PEX5L: variants seen among roughly 807,000 people sequenced by gnomAD.
PEX5L encodes peroxisomal biogenesis factor 5 like.
PEX5L carries 30 observed loss-of-function variants against 84.0 expected under a neutral mutation model. The ratio of observed to expected loss-of-function variants is 0.36; its 90% CI spans 0.27 to 0.48. The LOEUF is 0.48. Ranked by LOEUF, PEX5L falls within the 20% of genes least tolerant of loss-of-function variation. The probability of loss-of-function intolerance (pLI) is 0.99; values close to 1 mark genes in which losing one functional copy is unlikely to be tolerated. For missense variants in PEX5L, 533 were observed against 754.6 expected (o/e 0.71, Z 3.44); for synonymous variants, 270 against 283.1 (o/e 0.95, Z 0.46).
At chr3:179,891,914 A>C (rs1253775770) in intron 3 of PEX5L, among the ~76,000 whole-genome samples, 5 of 152,172 alleles carry the variant, frequency 3.3e-5, no homozygotes, top group African/African-American at 1.2e-4. Context: ...CTTTAAGCTT[A>C]ATTTCCAAAT....
At chr3:180,006,983 A>G (rs1005393165) in intron 1 of PEX5L, among the ~76,000 whole-genome samples, 2 of 152,140 alleles carry the variant, frequency 1.3e-5, no homozygotes, top group Non-Finnish European at 2.9e-5. Context: ...ATCAGATCAA[A>G]TCAATCATGC....
chr3:180,036,155 CAG>C lies in PEX5L; in HGVS notation c.21+422_21+423del, dbSNP rs377632736. The stretch of plus-strand genomic sequence containing the variant: ...ACTTTAAAAAATGAAACGAAAGTGA[CAG>C]AGTGTTCTAAGTCAAGCAACCTTTT... On this transcript the variant is annotated intron_variant, in intron 1 of 14. Transcript: ENST00000467460. Among the ~76,000 whole-genome samples the C allele has an allele frequency of 3.4e-3, 512 of 152,242 alleles. 3 individuals carry two copies. Among genetic ancestry groups the C allele is most frequent in the African/African-American group, 0.012 (489 of 41,528 alleles).
intron 1 of PEX5L, among the ~76,000 whole-genome samples, chr3:180,004,672 A>C (rs1291558767): frequency 1.3e-5 from 2 of 152,170 alleles, no homozygotes; most frequent in Non-Finnish European, 2.9e-5. Flanking sequence ...TTAAAAAATG[A>C]CATCCCTGGG....
chr3:179,922,982 G>A (rs1770089744), intron 2 of PEX5L, among the ~76,000 whole-genome samples: 2 of 151,890 alleles, frequency 1.3e-5, no homozygotes, highest in South Asian at 4.2e-4. Flanking sequence ...TTCTCTGTGA[G>A]TCAGTCTGTT....
At chr3:179,991,018 T>C (rs1244227775) in intron 1 of PEX5L, among the ~76,000 whole-genome samples, 1 of 152,144 alleles carries the variant, frequency 6.6e-6, no homozygotes, top group East Asian at 1.9e-4. Context: ...CCATTATCCC[T>C]GAAAAAATCT....
chr3:179,977,014 A>T (rs1015711039), intron 1 of PEX5L, among the ~76,000 whole-genome samples: 1 of 152,196 alleles, frequency 6.6e-6, no homozygotes, highest in African/African-American at 2.4e-5. Flanking sequence ...TTATTAATAC[A>T]ATTTTGTGCT....
At chr3:179,944,863 T>C (rs1560839900) in intron 2 of PEX5L, among the ~76,000 whole-genome samples, 1 of 152,194 alleles carries the variant, frequency 6.6e-6, no homozygotes, top group Non-Finnish European at 1.5e-5. Flanking sequence ...TGAAGTGAAA[T>C]GCAAGATTAC....
chr3:179,956,519 C>T (rs1197979843), intron 2 of PEX5L, among the ~76,000 whole-genome samples: 2 of 152,072 alleles, frequency 1.3e-5, no homozygotes, highest in Admixed American at 1.3e-4. Context: ...CATAAGAATA[C>T]CCTAGTGGAT....
chr3:179,994,647 G>A (rs1032534888), intron 1 of PEX5L, among the ~76,000 whole-genome samples: 1 of 152,102 alleles, frequency 6.6e-6, no homozygotes, highest in Non-Finnish European at 1.5e-5. Flanking sequence ...CAACTTGATC[G>A]AAGGATGCAA....
At chr3:179,817,582 T>A (rs1317647478) in intron 9 of PEX5L, among the ~76,000 whole-genome samples, 1 of 152,230 alleles carries the variant, frequency 6.6e-6, no homozygotes, top group African/African-American at 2.4e-5. Context: ...GTAGCTAAAT[T>A]GTTTTTGAGA....
intron 2 of PEX5L, among the ~76,000 whole-genome samples, chr3:179,898,806 T>G (rs934841013): frequency 6.6e-6 from 1 of 152,120 alleles, no homozygotes; most frequent in African/African-American, 2.4e-5. Context: ...GTCTGTTTTG[T>G]GGAGATGGTA....
intron 2 of PEX5L, among the ~76,000 whole-genome samples, chr3:179,952,489 A>C (rs1198724937): frequency 6.6e-6 from 1 of 152,178 alleles, no homozygotes; most frequent in Non-Finnish European, 1.5e-5. Flanking sequence ...TTGTAAGTTC[A>C]TCTAATCACT....
At chr3:179,894,746 A>G (rs1437239876) in intron 3 of PEX5L, among the ~76,000 whole-genome samples, 1 of 152,096 alleles carries the variant, frequency 6.6e-6, no homozygotes, top group Non-Finnish European at 1.5e-5. Context: ...GTGATGACAG[A>G]TAGAAAAAAC....
At chr3:179,876,033 G>A (rs1420986472) in intron 5 of PEX5L, among the ~76,000 whole-genome samples, 1 of 152,116 alleles carries the variant, frequency 6.6e-6, no homozygotes, top group Non-Finnish European at 1.5e-5. Flanking sequence ...TTATAATGGG[G>A]GAGAGAGAGA....
At chr3:179,853,842 CCTT>C (rs2108483830) in intron 8 of PEX5L, among the ~76,000 whole-genome samples, 1 of 150,776 alleles carries the variant, frequency 6.6e-6, no homozygotes, top group African/African-American at 2.4e-5. Context: ...GGTAGGGTCT[CCTT>C]CTGTCATTCA....
intron 4 of PEX5L, among the ~76,000 whole-genome samples, chr3:179,882,964 T>C (rs1754606404): frequency 1.3e-5 from 2 of 152,180 alleles, no homozygotes; most frequent in Admixed American, 1.3e-4. Context: ...CCAGGAGTGA[T>C]GGCTATCACC....
chr3:179,971,693 A>C, intron 1 of PEX5L, 28 bp from the exon 2 acceptor site: 1 of 1,568,836 alleles, frequency 6.4e-7, no homozygotes, highest in African/African-American at 1.4e-5. Context: ...TTAAATGATC[A>C]TTTAGTTTCT....
intron 2 of PEX5L, among the ~76,000 whole-genome samples, chr3:179,961,189 TTGTGTATGTGTATG>T (rs1299531846): frequency 6.2e-5 from 9 of 144,742 alleles, no homozygotes; most frequent in African/African-American, 2.3e-4. Flanking sequence ...GAATGATCAC[TTGTGTATGTGTATG>T]TGTGTGTGTG....
chr3:180,021,522 C>A (rs967612450), intron 1 of PEX5L, among the ~76,000 whole-genome samples: 2 of 152,118 alleles, frequency 1.3e-5, no homozygotes, highest in African/African-American at 4.8e-5. Flanking sequence ...CACTTAGAAA[C>A]ACTATTATAG....
Sources: gnomAD v4.1 joint callset for allele counts (sites outside exome capture counted in the v4.1 genomes callset) on GRCh38, gnomAD v4.1.1 for gene constraint, MANE v1.5 for transcripts, NCBI Gene and HGNC (gene_info 2026-07-23, HGNC 2026-07-21) for gene names.